The following NBAS variants were observed in gnomAD, a reference collection of about 807,000 sequenced individuals.
The protein encoded by NBAS is NAG/BC035112 fusion.
In NBAS, 219 loss-of-function variants were observed where a neutral mutation model predicts 302.5. The ratio of observed to expected loss-of-function variants is 0.72; its 90% confidence interval spans 0.65 to 0.81. The LOEUF (loss-of-function observed/expected upper bound fraction) is 0.81. Among genes scored for constraint, NBAS ranks in the 30% least tolerant of loss-of-function variants. NBAS has a pLI of 0.00. For synonymous variants in NBAS, 1,118 were observed against 1,021.6 expected, an observed-to-expected ratio of 1.09 and a Z score of -1.80; for missense variants, 2,932 against 2,841.6, an observed-to-expected ratio of 1.03 and a Z score of -0.72.
intron 23 of NBAS, 94 bp downstream of exon 23, chr2:15,424,221 G>A (rs1420986261): frequency 7.3e-7 from 1 of 1,362,334 alleles, no homozygotes; most frequent in African/African-American, 1.4e-5. Flanking sequence ...CATGATTCCT[G>A]CACTGCTGTC....
intron 35 of NBAS, among the ~76,000 whole-genome samples, chr2:15,342,017 G>T (rs1672876611): frequency 6.6e-6 from 1 of 151,938 alleles, no homozygotes; most frequent in Non-Finnish European, 1.5e-5. Context: ...AAATTAATGA[G>T]GACATACCAT....
the NBAS span, among the ~76,000 whole-genome samples, chr2:14,789,598 C>T: frequency 6.6e-6 from 1 of 152,176 alleles, no homozygotes. Flanking sequence ...CAGTTAATTA[C>T]CTTGCAATCA....
At chr2:15,062,652 C>G in the NBAS span, among the ~76,000 whole-genome samples, 1 of 152,108 alleles carries the variant, frequency 6.6e-6, no homozygotes, top group South Asian at 2.1e-4. Context: ...TGGTTTCAAA[C>G]TTTTTTAGGA....
At position 15,284,641 on chromosome 2, in the gene NBAS, T is replaced by A. The variant is rs538029309; in HGVS notation, c.5138+2432A>T. Among the ~76,000 whole-genome samples, 10 of 152,338 alleles carry A rather than the reference T, an allele frequency of 6.6e-5. No individual in the cohort carries two copies. The South Asian group carries it at 1.9e-3, about 28-fold the overall frequency. ...AAACAAAACCCTAAAACAAACAACA[T>A]TATTTCTCTTGCAACTTCCCAGTGG... On this transcript the variant is annotated intron_variant, in intron 42 of 51. Transcript: ENST00000281513.
chr2:15,238,413 AAAAG>A, intron 45 of NBAS, 51 bp downstream of exon 45: 4 of 1,552,764 alleles, frequency 2.6e-6, no homozygotes, highest in Non-Finnish European at 2.7e-6. Context: ...TTTCAAGGAA[AAAAG>A]AAAGAATATA....
At chr2:15,435,512 C>A (rs999927824) in intron 21 of NBAS, among the ~76,000 whole-genome samples, 1 of 152,126 alleles carries the variant, frequency 6.6e-6, no homozygotes. Context: ...TATTATCTTT[C>A]TCATTTTACA....
chr2:14,786,280 A>T, the NBAS span, among the ~76,000 whole-genome samples: 1 of 151,870 alleles, frequency 6.6e-6, no homozygotes, highest in Non-Finnish European at 1.5e-5. Context: ...CAGCTCCTGG[A>T]TTCATTGATT....
chr2:15,452,199 G>A (rs191360269), intron 21 of NBAS, among the ~76,000 whole-genome samples: 8 of 152,280 alleles, frequency 5.3e-5, no homozygotes, highest in Admixed American at 5.2e-4. Context: ...CAACGTGAAT[G>A]TACTTAACAA....
intron 31 of NBAS, 97 bp from the exon 32 acceptor site, chr2:15,366,790 T>G: frequency 9.2e-7 from 1 of 1,089,710 alleles, no homozygotes; most frequent in Non-Finnish European, 1.4e-6. Flanking sequence ...AAATGAAAAC[T>G]GGGTAAGGCA....
intron 9 of NBAS, among the ~76,000 whole-genome samples, chr2:15,530,798 TACTG>T (rs1388736761): frequency 1.3e-5 from 2 of 151,978 alleles, no homozygotes; most frequent in African/African-American, 4.8e-5. Context: ...AAAGTGAGAT[TACTG>T]ACTATCTAAA....
intron 12 of NBAS, among the ~76,000 whole-genome samples, chr2:15,484,432 C>A (rs924121633): frequency 6.6e-6 from 1 of 152,032 alleles, no homozygotes; most frequent in African/African-American, 2.4e-5. Context: ...CCATTCCCAC[C>A]CATTTATGCC....
intron 21 of NBAS, among the ~76,000 whole-genome samples, chr2:15,442,558 C>A (rs1402433564): frequency 6.6e-6 from 1 of 151,914 alleles, no homozygotes; most frequent in Non-Finnish European, 1.5e-5. Context: ...CAGGAAAGAT[C>A]CCAAATTGAC....
the NBAS span, among the ~76,000 whole-genome samples, chr2:14,872,812 C>T: frequency 4.3e-4 from 66 of 151,810 alleles, no homozygotes; most frequent in Non-Finnish European, 6.9e-4. Context: ...GCTGACTTCA[C>T]GAGTGAAGCT....
chr2:15,417,055 A>G (rs1445268812), intron 24 of NBAS, among the ~76,000 whole-genome samples: 3 of 152,126 alleles, frequency 2.0e-5, no homozygotes, highest in Admixed American at 1.3e-4. Context: ...ATAAGGTTCT[A>G]ATTTTGGGGA....
chr2:14,783,731 T>C, the NBAS span, among the ~76,000 whole-genome samples: 2 of 152,094 alleles, frequency 1.3e-5, no homozygotes, highest in Non-Finnish European at 2.9e-5. Flanking sequence ...TGTTGGACAT[T>C]TGGGTTGGTT....
chr2:14,905,450 C>T, the NBAS span, among the ~76,000 whole-genome samples: 5 of 152,116 alleles, frequency 3.3e-5, no homozygotes, highest in African/African-American at 7.2e-5. Flanking sequence ...GCCTCCTGTG[C>T]CCAGCTGTCC....
the NBAS span, among the ~76,000 whole-genome samples, chr2:15,143,860 C>T: frequency 6.6e-6 from 1 of 151,628 alleles, no homozygotes; most frequent in Non-Finnish European, 1.5e-5. Context: ...AAGGGAGACT[C>T]GCCTAGCCTC....
At chr2:15,193,289 T>C (rs565419996) in intron 48 of NBAS, among the ~76,000 whole-genome samples, 28 of 152,292 alleles carry the variant, frequency 1.8e-4, no homozygotes, top group Non-Finnish European at 3.5e-4. Context: ...CTTATCCATT[T>C]GTGCATGCTT....
intron 35 of NBAS, among the ~76,000 whole-genome samples, chr2:15,340,233 T>C (rs1455729979): frequency 2.0e-5 from 3 of 152,220 alleles, no homozygotes; most frequent in South Asian, 2.1e-4. Context: ...AGGGGAGATA[T>C]GATGATAATC....
Sources: gnomAD v4.1 joint callset for allele counts (sites outside exome capture counted in the v4.1 genomes callset) on GRCh38, gnomAD v4.1.1 for gene constraint, MANE v1.5 for transcripts, NCBI Gene and HGNC (gene_info 2026-07-23, HGNC 2026-07-21) for gene names.